Variants in FAM124A observed in about 807,000 individuals in gnomAD.
FAM124A encodes family with sequence similarity 124 member A.
Under a neutral mutation model 24.5 loss-of-function variants are expected in FAM124A, and 23 were observed. That is an observed-to-expected ratio of 0.94 (90% CI 0.68 to 1.33). The LOEUF is 1.33. Among genes scored for constraint, FAM124A ranks in the 40% most tolerant of loss-of-function variants. The pLI, the probability that FAM124A is intolerant of heterozygous loss-of-function variation, is 0.00. For missense variants in FAM124A, 623 were observed against 722.8 expected (o/e 0.86, Z 1.58); for synonymous variants, 287 against 314.7 (o/e 0.91, Z 0.93).
At position 51,252,066 on chromosome 13, in the gene FAM124A, C is replaced by T; in HGVS notation, c.699C>T (p.Pro233=). The change falls in exon 3 of 4, where the codon CCC becomes CCT. Residue 233 remains proline (P), a synonymous_variant. Coordinates refer to ENST00000322475, the MANE Select transcript of FAM124A (RefSeq NM_001242312.2). The stretch of plus-strand genomic sequence containing the variant: ...TGCCCTGTGACCAGTGCCCGGTGCC[C>T]ACCGACTCCTCCGTGCTGGAGTTCC... ...KRLPCDQCPV[P]TDSSVLEFRV... 1.2e-6 allele frequency: 2 copies of T among 1,614,134 alleles called. No individual in the cohort carries two copies. Among genetic ancestry groups the T allele is most frequent in the African/African-American group, 1.3e-5 (1 of 75,052 alleles).
At chr13:51,230,502 G>A (rs1019557735) in intron 1 of FAM124A, among the ~76,000 whole-genome samples, 4 of 152,132 alleles carry the variant, frequency 2.6e-5, no homozygotes, top group African/African-American at 4.8e-5. Flanking sequence ...AAATCCCTAC[G>A]TGCTAAAGTG....
intron 3 of FAM124A, among the ~76,000 whole-genome samples, chr13:51,260,980 G>A (rs550371564): frequency 8.5e-4 from 130 of 152,184 alleles, no homozygotes; most frequent in African/African-American, 2.8e-3. Context: ...CCTAAGACAC[G>A]GCCACTTTTT....
intron 3 of FAM124A, among the ~76,000 whole-genome samples, chr13:51,263,783 T>C (rs1954759515): frequency 6.6e-6 from 1 of 152,182 alleles, no homozygotes; most frequent in African/African-American, 2.4e-5. Flanking sequence ...CTAAAAAAAT[T>C]TCAGTGAATA....
chr13:51,281,195 T>C lies in FAM124A; in HGVS notation c.1580T>C (p.Met527Thr), dbSNP rs1021965747. The C allele has an allele frequency of 6.2e-7, 1 of 1,611,096 alleles. No homozygotes were observed. Among genetic ancestry groups the C allele is most frequent in the Non-Finnish European group, 8.5e-7 (1 of 1,178,558 alleles). ...AAAGTCAAGCAGACTGATGGAGACA[T>C]GCCACCACCCCCAGGGTCGGCTGGC... The part of the protein sequence containing the change: ...TPKVKQTDGD[M>T]PPPPGSAGPG... Residue 527 changes from methionine to threonine, a missense_variant, in exon 4 of 4, where the codon ATG becomes ACG. Coordinates refer to ENST00000322475, the MANE Select transcript of FAM124A (RefSeq NM_001242312.2).
At chr13:51,234,846 A>G (rs9535621) in intron 2 of FAM124A, among the ~76,000 whole-genome samples, 123,287 of 152,162 alleles carry the variant, frequency 0.81, 51,105 homozygotes, top group East Asian at 0.92. Context: ...TGAGCTGCCT[A>G]TAGGTCGGTC....
intron 2 of FAM124A, among the ~76,000 whole-genome samples, chr13:51,235,359 A>G (rs1001981940): frequency 3.3e-5 from 5 of 152,066 alleles, no homozygotes; most frequent in African/African-American, 1.2e-4. Context: ...ATTTATAAAC[A>G]GGAGAAAAGA....
At chr13:51,245,478 T>C (rs559207840) in intron 2 of FAM124A, 5 of 505,782 alleles carry the variant, frequency 9.9e-6, no homozygotes, top group South Asian at 9.2e-5. Context: ...TCCAGCTTGC[T>C]TATCTACATC....
chr13:51,265,239 C>T (rs909945418), intron 3 of FAM124A, among the ~76,000 whole-genome samples: 8 of 152,056 alleles, frequency 5.3e-5, no homozygotes, highest in East Asian at 1.9e-4. Flanking sequence ...GCTGGGAAGT[C>T]GGGGAGATGT....
intron 3 of FAM124A, 47 bp downstream of exon 3, chr13:51,252,248 A>G (rs1316636299): frequency 6.3e-7 from 1 of 1,584,984 alleles, no homozygotes; most frequent in Non-Finnish European, 8.6e-7. Flanking sequence ...CTGAGAAACC[A>G]GTTAGCTTTG....
chr13:51,222,515 CG>C lies in FAM124A; in HGVS notation c.17del (p.Gly6AlafsTer46). The C allele has an allele frequency of 1.6e-6, 2 of 1,225,478 alleles. No individual in the cohort carries two copies. The highest frequency in any genetic ancestry group is 3.1e-5 in the African/African-American group (2 of 63,778). 75.9% of individuals were successfully genotyped at this position (1,225,478 alleles called of 1,614,324 possible). ...GGGACGTGCACCATGGACCCAAAGG[CG>C]GGCGGCGGCGGCGAGGAGGACGACT... The part of the protein sequence containing the change: MDPK[A>X]GGGGEEDDCV... On this transcript the variant is annotated frameshift_variant, in exon 1 of 4. Transcript: ENST00000322475. LOFTEE classifies it high-confidence loss of function.
At chr13:51,263,508 C>T (rs1470397265) in intron 3 of FAM124A, among the ~76,000 whole-genome samples, 1 of 152,206 alleles carries the variant, frequency 6.6e-6, no homozygotes, top group East Asian at 1.9e-4. Context: ...GGGGAACCCT[C>T]GCTTGGTCGA....
chr13:51,245,984 C>G (rs1425422301), intron 2 of FAM124A, among the ~76,000 whole-genome samples: 1 of 152,218 alleles, frequency 6.6e-6, no homozygotes, highest in Non-Finnish European at 1.5e-5. Context: ...AAGGCCTGAG[C>G]TTGTACACTG....
chr13:51,278,387 T>G (rs1214396451), intron 3 of FAM124A, among the ~76,000 whole-genome samples: 2 of 152,100 alleles, frequency 1.3e-5, no homozygotes, highest in Non-Finnish European at 2.9e-5. Context: ...ATAAAGGAGC[T>G]CCAACCTTCA....
intron 2 of FAM124A, among the ~76,000 whole-genome samples, chr13:51,250,744 A>C (rs545081469): frequency 6.6e-6 from 1 of 152,314 alleles, no homozygotes; most frequent in South Asian, 2.1e-4. Context: ...CAACAGCAAG[A>C]ACACTGTGCT....
rs1257583994 is a variant in FAM124A, at chr13:51,224,550, A to T, written c.68+1981A>T. On this transcript the variant is annotated intron_variant, in intron 1 of 3. Transcript: ENST00000322475. Reference sequence around the variant, plus strand: ...ATAGCATGCATTTCAATGTATGCTAATTAGTTTTGTGTTTGCCATATATTC... The same window carrying T: ...ATAGCATGCATTTCAATGTATGCTATTTAGTTTTGTGTTTGCCATATATTC... Among the ~76,000 whole-genome samples the T allele has an allele frequency of 3.3e-5, 5 of 152,216 alleles. No homozygotes were observed. The South Asian group carries it at 1.0e-3, about 32-fold the overall frequency.
At chr13:51,256,396 G>A (rs759004407) in intron 3 of FAM124A, among the ~76,000 whole-genome samples, 1 of 152,140 alleles carries the variant, frequency 6.6e-6, no homozygotes, top group Non-Finnish European at 1.5e-5. Context: ...TGCAACTAAC[G>A]GTTTTAAATA....
intron 1 of FAM124A, among the ~76,000 whole-genome samples, chr13:51,228,131 A>G (rs1180742285): frequency 6.6e-6 from 1 of 152,196 alleles, no homozygotes; most frequent in Admixed American, 6.5e-5. Context: ...CATCAAGATC[A>G]ATTTTACAGG....
In FAM124A at chr13:51,250,271, T is replaced by C. The variant is rs567567238; in HGVS notation, c.101-1197T>C. 8.5e-5 allele frequency among the ~76,000 whole-genome samples: 13 copies of C among 152,316 alleles called. No homozygotes were observed. In the East Asian group the frequency reaches 2.5e-3, roughly 29 times the overall value. On this transcript the variant is annotated intron_variant, in intron 2 of 3. Coordinates refer to ENST00000322475, the MANE Select transcript of FAM124A (RefSeq NM_001242312.2). ...TGATAGAACACAATTGACCACATGA[T>C]CACTGTATGCCTGACACCCCTAGTG... is the stretch of plus-strand genomic sequence containing the variant.
chr13:51,254,557 G>A (rs768579354), intron 3 of FAM124A, among the ~76,000 whole-genome samples: 12 of 152,296 alleles, frequency 7.9e-5, no homozygotes, highest in African/African-American at 2.9e-4. Flanking sequence ...GGTAGGTGGG[G>A]AGTTACTAGC....
Sources: gnomAD v4.1 joint callset for allele counts (sites outside exome capture counted in the v4.1 genomes callset) on GRCh38, gnomAD v4.1.1 for gene constraint, MANE v1.5 for transcripts, NCBI Gene and HGNC (gene_info 2026-07-23, HGNC 2026-07-21) for gene names.